LLGL2: variants seen among roughly 807,000 people sequenced by gnomAD.
LLGL2 encodes LLGL scribble cell polarity complex component 2.
Under a neutral mutation model 123.2 loss-of-function variants are expected in LLGL2, and 81 were observed. The observed-to-expected ratio is 0.66, with a 90% CI of 0.55 to 0.79. LLGL2 has a LOEUF of 0.79. Among genes scored for constraint, LLGL2 ranks in the 30% least tolerant of loss-of-function variants. The pLI, the probability that LLGL2 is intolerant of heterozygous loss-of-function variation, is 0.00. For missense variants in LLGL2, 1,273 were observed against 1,414.6 expected, an observed-to-expected ratio of 0.90 and a Z score of 1.61; for synonymous variants, 577 against 594.1, an observed-to-expected ratio of 0.97 and a Z score of 0.42.
intron 19 of LLGL2, 68 bp downstream of exon 19, chr17:75,572,132 C>A: frequency 6.8e-7 from 1 of 1,464,774 alleles, no homozygotes; most frequent in Non-Finnish European, 9.3e-7. Context: ...GGACCTTGGG[C>A]AAAAATGATG....
Position 75,572,076 on chromosome 17 carries a change from G to A in LLGL2, c.2460+12G>A, listed in dbSNP as rs532427779. ...AGGAGCAGTTCAAGGTGCCACACGG[G>A]CAGCGGCGGGTCTCCCTGGGACTCC... On this transcript the variant is annotated intron_variant, in intron 19 of 25. Coordinates refer to ENST00000392550, the MANE Select transcript of LLGL2 (RefSeq NM_001031803.2). 55 of 1,605,034 alleles carry A rather than the reference G, an allele frequency of 3.4e-5. No homozygotes were observed. In the South Asian group the frequency reaches 5.7e-4, roughly 17 times the overall value.
At chr17:75,541,776 C>CTT (rs2054219824) in intron 1 of LLGL2, among the ~76,000 whole-genome samples, 4 of 116,938 alleles carry the variant, frequency 3.4e-5, no homozygotes, top group Non-Finnish European at 4.8e-5. Flanking sequence ...GTTGCCCAGG[C>CTT]CGGAGTGCAA....
intron 2 of LLGL2, among the ~76,000 whole-genome samples, chr17:75,554,888 C>CA (rs566780078): frequency 0.47 from 61,410 of 131,848 alleles, 15,059 homozygotes; most frequent in South Asian, 0.61. Context: ...GACTCCGTCT[C>CA]AAAAAAAAAA....
At chr17:75,560,486 A>T (rs182421239) in intron 6 of LLGL2, among the ~76,000 whole-genome samples, 1,932 of 152,074 alleles carry the variant, frequency 0.013, 16 homozygotes, top group Non-Finnish European at 0.019. Flanking sequence ...ATATTATATT[A>T]TATTTTATTT....
chr17:75,531,542 G>A (rs2053786334), intron 1 of LLGL2, among the ~76,000 whole-genome samples: 1 of 152,236 alleles, frequency 6.6e-6, no homozygotes, highest in Non-Finnish European at 1.5e-5. Context: ...ATCTGTCTTA[G>A]GTGATATCGT....
chr17:75,546,897 G>T (rs1018335611), intron 2 of LLGL2, among the ~76,000 whole-genome samples: 1 of 152,134 alleles, frequency 6.6e-6, no homozygotes, highest in African/African-American at 2.4e-5. Flanking sequence ...CAGGGCTGGA[G>T]CCTGGAGCGG....
At chr17:75,536,171 G>C (rs143984858) in intron 1 of LLGL2, among the ~76,000 whole-genome samples, 55 of 152,322 alleles carry the variant, frequency 3.6e-4, no homozygotes, top group Middle Eastern at 6.8e-3. Context: ...GTGGGGTGGA[G>C]AAGGTTTTCC....
At chr17:75,553,256 C>CATTTAGGTATGG (rs2054757382) in intron 2 of LLGL2, among the ~76,000 whole-genome samples, 1 of 152,222 alleles carries the variant, frequency 6.6e-6, no homozygotes, top group African/African-American at 2.4e-5. Flanking sequence ...CCCTGGCTAT[C>CATTTAGGTATGG]CCATTTAGGT....
chr17:75,571,720 G>T lies in LLGL2; in HGVS notation c.2230G>T (p.Ala744Ser), dbSNP rs148020757. The T allele has an allele frequency of 6.2e-6, 10 of 1,609,782 alleles. No homozygotes were observed. In the Admixed American group the frequency reaches 1.0e-4, roughly 16 times the overall value. ...WAGTNGGTIYAFSLRVPPAER... is the reference protein window; with the variant it reads ...WAGTNGGTIYSFSLRVPPAER... ...TGGCACCAATGGGGGCACCATCTAT[G>T]CCTTCTCCCTGCGTGTGCCTCCCGC... The change falls in exon 18 of 26, where the codon GCC becomes TCC. Residue 744 changes from alanine to serine, a missense_variant. By Grantham distance (99) the Ala-to-Ser change is moderately conservative (BLOSUM62 1). Coordinates refer to ENST00000392550, the MANE Select transcript of LLGL2 (RefSeq NM_001031803.2).
chr17:75,540,797 C>A (rs1236109712), intron 1 of LLGL2, among the ~76,000 whole-genome samples: 1 of 152,154 alleles, frequency 6.6e-6, no homozygotes, highest in Admixed American at 6.5e-5. Flanking sequence ...GTTCTGCTTA[C>A]CTTTCAGATG....
rs1402193556 is a variant in LLGL2 at position 75,563,776 on chromosome 17, C to T, written c.851C>T (p.Thr284Ile). 1.2e-6 allele frequency: 2 copies of T among 1,614,024 alleles called. No individual in the cohort carries two copies. The highest frequency in any genetic ancestry group is 2.2e-5 in the East Asian group (1 of 44,878). The change falls in exon 9 of 26, where the codon ACC (threonine) becomes ATC (isoleucine). Residue 284 changes from threonine (T) to isoleucine (I), a missense_variant. By Grantham distance (89) the Thr-to-Ile change is moderately conservative. Coordinates refer to ENST00000392550, the MANE Select transcript of LLGL2 (RefSeq NM_001031803.2). Reference sequence around the variant, plus strand: ...GGTCCCTTTCCTTGCAAAGCGATTACCAGAATCCTCTGGCTGACCACTAGG... The same window carrying T: ...GGTCCCTTTCCTTGCAAAGCGATTATCAGAATCCTCTGGCTGACCACTAGG... ...PYGPFPCKAI[T>I]RILWLTTRQG...
chr17:75,554,381 G>T lies in LLGL2; in HGVS notation c.76-1665G>T, dbSNP rs561492115. On this transcript the variant is annotated intron_variant, in intron 2 of 25. Coordinates refer to ENST00000392550, the MANE Select transcript of LLGL2 (RefSeq NM_001031803.2). Reference sequence around the variant, plus strand: ...AATCCCAGCGCTTTGGGAGGCCGAGGCAGGAGGATCGCTTGAGTCTAGAAG... The same window carrying T: ...AATCCCAGCGCTTTGGGAGGCCGAGTCAGGAGGATCGCTTGAGTCTAGAAG... Among the ~76,000 whole-genome samples, 6 of 151,442 alleles carry T rather than the reference G, an allele frequency of 4.0e-5. No individual in the cohort carries two copies. The East Asian group carries it at 1.2e-3, about 29-fold the overall frequency.
In LLGL2 at chr17:75,564,043, C is replaced by A. The variant is rs1163129706; in HGVS notation, c.881+237C>A. Among the ~76,000 whole-genome samples the A allele has an allele frequency of 1.3e-5, 2 of 152,224 alleles. No homozygotes were observed. Among genetic ancestry groups the A allele is most frequent in the East Asian group, 1.9e-4 (1 of 5,198 alleles). On this transcript the variant is annotated intron_variant, in intron 9 of 25. Coordinates refer to ENST00000392550, the MANE Select transcript of LLGL2 (RefSeq NM_001031803.2). This position sits in a 1 kb window ranked among gnomAD's most constrained non-coding sequence, Gnocchi z 4.9. The stretch of plus-strand genomic sequence containing the variant: ...ACCTTCCCAGAGAGACGGTACTGAG[C>A]AGCAGGTCTTAAACTCCTTTAGTTG...
chr17:75,568,249 C>A (rs2055531340), intron 10 of LLGL2: 2 of 1,417,152 alleles, frequency 1.4e-6, no homozygotes, highest in South Asian at 1.6e-5. Flanking sequence ...CAGGTGTATC[C>A]CCCCAGGAGC....
chr17:75,559,543 T>C lies in LLGL2; in HGVS notation c.530+133T>C. ...TCCATGGGGCTATAGCAGGGGAGGCTCTTGGCTTCCTACCTGTCACCTACT... is the reference window on the plus strand; with the variant it reads ...TCCATGGGGCTATAGCAGGGGAGGCCCTTGGCTTCCTACCTGTCACCTACT... On this transcript the variant is annotated intron_variant, in intron 6 of 25. Coordinates refer to ENST00000392550, the MANE Select transcript of LLGL2 (RefSeq NM_001031803.2). This position sits in a 1 kb window ranked among gnomAD's most constrained non-coding sequence, Gnocchi z 4.6. 8.6e-7 allele frequency: 1 copy of C among 1,160,876 alleles called. No individual in the cohort carries two copies. Among genetic ancestry groups the C allele is most frequent in the South Asian group, 1.6e-5 (1 of 62,546 alleles). The allele number at this position is 1,160,876 out of a possible 1,614,324, so 71.9% of individuals were successfully genotyped here. A position where few individuals can be genotyped will look rare whatever the true frequency, so the allele number is the denominator to read the frequency against.
Position 75,563,420 on chromosome 17 carries a change from C to A in LLGL2, c.783C>A (p.Ser261Arg), listed in dbSNP as rs148822621. The A allele has an allele frequency of 6.2e-7, 1 of 1,612,772 alleles. No homozygotes were observed. The highest frequency in any genetic ancestry group is 1.1e-5 in the South Asian group (1 of 91,076). ...GCTACTGCCAGTGGCCCGTGTCCAG[C>A]GAAGCCCAGCAACCAGAGCCCCTCC... ...DGSYCQWPVSSEAQQPEPLRS... is the reference protein window; with the variant it reads ...DGSYCQWPVSREAQQPEPLRS... Residue 261 changes from serine (S) to arginine (R), a missense_variant, in exon 8 of 26, where the codon AGC becomes AGA. Transcript: ENST00000392550.
At position 75,558,003 on chromosome 17, in the gene LLGL2, A is replaced by G. The variant is rs753296195; in HGVS notation, c.174-152A>G. On this transcript the variant is annotated intron_variant, in intron 3 of 25. Coordinates refer to ENST00000392550, the MANE Select transcript of LLGL2 (RefSeq NM_001031803.2). This position sits in a 1 kb window ranked among gnomAD's most constrained non-coding sequence, Gnocchi z 4.0. ...GCCAGGGCTGCTGTGTCTCCTCCCC[A>G]CCCTAGGCTCCATGCATGGGTCCTG... The G allele has an allele frequency of 7.1e-5, 56 of 785,720 alleles. No homozygotes were observed. Among genetic ancestry groups the G allele is most frequent in the African/African-American group, 5.4e-4 (32 of 59,086 alleles). The allele number at this position is 785,720 out of a possible 1,614,324, so 48.7% of individuals were successfully genotyped here. A position where few individuals can be genotyped will look rare whatever the true frequency, so the allele number is the denominator to read the frequency against.
rs374346369 is a variant in LLGL2, at chr17:75,570,181, G to T, written c.1800G>T (p.Trp600Cys). ...VVTSLALHSE[W>C]RLVAFGTSHG... ...CCTCCTTGGCCCTGCACTCTGAGTG[G>T]CGGCTCGTGGCCTTCGGCACCAGCC... is the stretch of plus-strand genomic sequence containing the variant. The change falls in exon 15 of 26, where the codon TGG becomes TGT. Residue 600 changes from tryptophan (W) to cysteine (C), a missense_variant. Trp to Cys is a radical substitution (Grantham distance 215). Coordinates refer to ENST00000392550, the MANE Select transcript of LLGL2 (RefSeq NM_001031803.2). 13 of 1,586,198 alleles carry T rather than the reference G, an allele frequency of 8.2e-6. No homozygotes were observed. Among genetic ancestry groups the T allele is most frequent in the Admixed American group, 1.9e-5 (1 of 53,910 alleles).
At chr17:75,566,039 G>T (rs1467681739) in intron 10 of LLGL2, among the ~76,000 whole-genome samples, 2 of 152,238 alleles carry the variant, frequency 1.3e-5, no homozygotes, top group African/African-American at 2.4e-5. Flanking sequence ...GGTTGGCAAG[G>T]CCTCCCTGAT....
Sources: allele counts gnomAD v4.1 joint callset (sites outside exome capture counted in the v4.1 genomes callset), GRCh38; gene constraint gnomAD v4.1.1; non-coding constraint Gnocchi (gnomAD v3.1); transcripts MANE v1.5; gene names NCBI Gene and HGNC (gene_info 2026-07-23, HGNC 2026-07-21).